The following VLDLR variants were observed in gnomAD, a reference collection of about 807,000 sequenced individuals.
VLDLR encodes the protein very low density lipoprotein receptor.
In VLDLR, 81 loss-of-function variants were observed where a neutral mutation model predicts 112.7. That is an observed-to-expected ratio of 0.72 (90% CI 0.60 to 0.86). The LOEUF (loss-of-function observed/expected upper bound fraction) is 0.86, where lower values mean the gene tolerates loss of function less well. Ranked by LOEUF, VLDLR falls within the 40% of genes least tolerant of loss-of-function variation. VLDLR has a pLI of 0.00. For missense variants in VLDLR, 1,237 were observed against 1,099.4 expected, an observed-to-expected ratio of 1.13 and a Z score of -1.77; for synonymous variants, 436 against 384.8, an observed-to-expected ratio of 1.13 and a Z score of -1.56.
intron 9 of VLDLR, among the ~76,000 whole-genome samples, chr9:2,645,309 T>C (rs1319966546): frequency 6.6e-6 from 1 of 152,204 alleles, no homozygotes; most frequent in African/African-American, 2.4e-5. Context: ...CAGGTTTGCA[T>C]GCTCTGTTTC....
chr9:2,647,731 C>T (rs1586655782), intron 12 of VLDLR, 139 bp downstream of exon 12: 2 of 787,108 alleles, frequency 2.5e-6, no homozygotes. Flanking sequence ...ATGGGAGTAA[C>T]TGAACAACAC....
At position 2,643,387 on chromosome 9, in the gene VLDLR, C is replaced by G. The variant is rs751098865; in HGVS notation, c.676C>G (p.Leu226Val). The G allele has an allele frequency of 6.1e-5, 98 of 1,614,054 alleles. No individual in the cohort carries two copies. The highest frequency in any genetic ancestry group is 4.0e-5 in the Non-Finnish European group (47 of 1,180,046). The change falls in exon 5 of 19, where the codon CTG becomes GTG. Residue 226 changes from leucine to valine, a missense_variant. By Grantham distance (32) the Leu-to-Val change is conservative. Transcript: ENST00000382100. ...ADCSDQSDESLEQCGRQPVIH... is the reference protein window; with the variant it reads ...ADCSDQSDESVEQCGRQPVIH... ...CTGCTCCGACCAATCTGATGAGTCC[C>G]TGGAGCAGTGTGGCCGTCAGCCAGT... is the stretch of plus-strand genomic sequence containing the variant.
intron 7 of VLDLR, among the ~76,000 whole-genome samples, chr9:2,644,461 G>A (rs1028113328): frequency 5.3e-5 from 8 of 151,546 alleles, no homozygotes; most frequent in African/African-American, 1.5e-4. Context: ...GAGCCACCGC[G>A]CCCGGCCCAA....
chr9:2,645,883 G>T, intron 10 of VLDLR, 138 bp downstream of exon 10: 1 of 935,866 alleles, frequency 1.1e-6, no homozygotes, highest in East Asian at 2.5e-5. Context: ...TAAATCTAAT[G>T]CTAATTCTTT....
At chr9:2,622,522 T>C in intron 1 of VLDLR, 1 of 423,974 alleles carries the variant, frequency 2.4e-6, no homozygotes. Flanking sequence ...TGCCCCTCAC[T>C]CCGCCTCCCC....
At chr9:2,647,711 G>T (rs1265371788) in intron 12 of VLDLR, 119 bp downstream of exon 12, 1 of 919,916 alleles carries the variant, frequency 1.1e-6, no homozygotes, top group Non-Finnish European at 1.8e-6. Flanking sequence ...AATTCTAGCA[G>T]GAATTTTCAA....
At chr9:2,650,593 G>C (rs1411500059) in intron 15 of VLDLR, 77 bp downstream of exon 15, 4 of 1,581,358 alleles carry the variant, frequency 2.5e-6, no homozygotes, top group Non-Finnish European at 3.4e-6. Flanking sequence ...GGATTTTTAA[G>C]AATTCTGTCT....
chr9:2,622,528 T>G (rs1014154163), intron 1 of VLDLR, among the ~76,000 whole-genome samples: 4 of 152,082 alleles, frequency 2.6e-5, no homozygotes, highest in African/African-American at 9.7e-5. Flanking sequence ...TCACTCCGCC[T>G]CCCCCAGAGC....
chr9:2,639,008 G>A (rs1286669125), intron 2 of VLDLR, among the ~76,000 whole-genome samples: 1 of 152,130 alleles, frequency 6.6e-6, no homozygotes, highest in Non-Finnish European at 1.5e-5. Context: ...GACCAGTATG[G>A]GTGACAATAT....
At position 2,658,466 on chromosome 9, in the gene VLDLR, G is replaced by C. The variant is rs1376802206; in HGVS notation, c.*4598G>C. ...GTTTGTGCTCCGCAGGTTACCTCAT[G>C]GCATATCAAAAATGGCTTTTTTCTT... On this transcript the variant is annotated 3_prime_UTR_variant, in exon 19 of 19. Transcript: ENST00000382100. 1 of 152,200 alleles carries C rather than the reference G, an allele frequency of 6.6e-6. No individual in the cohort carries two copies. Among genetic ancestry groups the C allele is most frequent in the Non-Finnish European group, 1.5e-5 (1 of 68,040 alleles). The allele number at this position is 152,200 out of a possible 1,614,324, so 9.4% of individuals were successfully genotyped here.
intron 1 of VLDLR, among the ~76,000 whole-genome samples, chr9:2,627,788 C>T (rs1256412045): frequency 1.3e-5 from 2 of 151,558 alleles, no homozygotes; most frequent in African/African-American, 4.9e-5. Flanking sequence ...TCGCTTGAAC[C>T]CGGGTGGCAG....
At position 2,653,818 on chromosome 9, in the gene VLDLR, T is replaced by A. The variant is rs1211824811; in HGVS notation, c.2587-15T>A. 3 of 1,613,860 alleles carry A rather than the reference T, an allele frequency of 1.9e-6. No individual in the cohort carries two copies. The highest frequency in any genetic ancestry group is 1.1e-5 in the South Asian group (1 of 91,076). On this transcript the variant is annotated splice_polypyrimidine_tract_variant and intron_variant, in intron 18 of 18. Coordinates refer to ENST00000382100, the MANE Select transcript of VLDLR (RefSeq NM_003383.5). ...GTGATCACCAAGCTCATTCTATACT[T>A]CTTCTTTTCCACAGATATCAGTTGT...
Position 2,639,913 on chromosome 9 carries a change from C to A in VLDLR, c.257C>A (p.Pro86His), listed in dbSNP as rs759156082. 1.2e-6 allele frequency: 2 copies of A among 1,614,024 alleles called. No homozygotes were observed. The highest frequency in any genetic ancestry group is 1.7e-6 in the Non-Finnish European group (2 of 1,180,030). Residue 86 changes from proline (P) to histidine (H), a missense_variant, in exon 3 of 19, where the codon CCC (proline) becomes CAC (histidine). Physicochemically the swap from Pro to His is moderately conservative, Grantham distance 77. Coordinates refer to ENST00000382100, the MANE Select transcript of VLDLR (RefSeq NM_003383.5). Reference sequence around the variant, plus strand: ...GTGTGCAACAATGGCCAGTGTGTTCCCAGCCGATGGAAGTGTGATGGAGAT... The same window carrying A: ...GTGTGCAACAATGGCCAGTGTGTTCACAGCCGATGGAAGTGTGATGGAGAT... ...DFVCNNGQCV[P>H]SRWKCDGDPD...
chr9:2,638,023 CT>C (rs1219326184), intron 2 of VLDLR, among the ~76,000 whole-genome samples: 1 of 152,228 alleles, frequency 6.6e-6, no homozygotes, highest in Non-Finnish European at 1.5e-5. Flanking sequence ...GCTACTCCCT[CT>C]TTTGTAGCTT....
intron 1 of VLDLR, 22 bp from the exon 2 acceptor site, chr9:2,635,431 G>A (rs753655254): frequency 2.1e-5 from 34 of 1,613,446 alleles, no homozygotes; most frequent in Admixed American, 1.2e-4. Context: ...TTGCTTTACC[G>A]AATGTTCCCT....
At position 2,625,041 on chromosome 9, in the gene VLDLR, C is replaced by A. The variant is rs35918506; in HGVS notation, c.82+2770C>A. Among the ~76,000 whole-genome samples the A allele has an allele frequency of 3.7e-3, 567 of 152,262 alleles. 8 individuals carry two copies. The highest frequency in any genetic ancestry group is 0.013 in the African/African-American group (538 of 41,552). ...GCTGCCAAATATTAAGACTTTAGTA[C>A]AATAGACTGCTATTTAACACTAAAC... On this transcript the variant is annotated intron_variant, in intron 1 of 18. Transcript: ENST00000382100.
At chr9:2,636,139 A>G (rs1298130078) in intron 2 of VLDLR, among the ~76,000 whole-genome samples, 2 of 152,194 alleles carry the variant, frequency 1.3e-5, no homozygotes, top group Non-Finnish European at 2.9e-5. Context: ...ACAGCCATCA[A>G]TCAGCATCTA....
chr9:2,630,503 G>A (rs1360480928), intron 1 of VLDLR, among the ~76,000 whole-genome samples: 1 of 152,178 alleles, frequency 6.6e-6, no homozygotes, highest in Admixed American at 6.5e-5. Context: ...GCTGAAGTAC[G>A]CTCTGAGCCT....
chr9:2,652,478 C>T (rs117158630), intron 17 of VLDLR, among the ~76,000 whole-genome samples: 1 of 152,164 alleles, frequency 6.6e-6, no homozygotes, highest in Non-Finnish European at 1.5e-5. Context: ...CACGCCAGGA[C>T]CACCTGAATA....
Sources: gnomAD v4.1 joint callset for allele counts (sites outside exome capture counted in the v4.1 genomes callset) on GRCh38, gnomAD v4.1.1 for gene constraint, MANE v1.5 for transcripts, NCBI Gene and HGNC (gene_info 2026-07-23, HGNC 2026-07-21) for gene names.